Variants in MPPED1 observed in about 807,000 individuals in gnomAD.
MPPED1 encodes metallophosphoesterase domain containing 1, also known as metallophosphoesterase domain-containing protein 1.
In MPPED1, 16 loss-of-function variants were observed where a neutral mutation model predicts 36.2. That is an observed-to-expected ratio of 0.44 (90% CI 0.30 to 0.67). MPPED1 has a LOEUF of 0.67. Among genes scored for constraint, MPPED1 ranks in the 30% least tolerant of loss-of-function variants. MPPED1 has a pLI of 0.10. For missense variants in MPPED1, 307 were observed against 453.4 expected (o/e 0.68, Z 2.93); for synonymous variants, 199 against 191.3 (o/e 1.04, Z -0.33).
intron 4 of MPPED1, among the ~76,000 whole-genome samples, chr22:43,475,923 G>T (rs970213947): frequency 1.1e-4 from 16 of 151,238 alleles, no homozygotes; most frequent in African/African-American, 3.9e-4. Context: ...TGGTGAAGAT[G>T]GTGATGGTGG....
intron 1 of MPPED1, among the ~76,000 whole-genome samples, chr22:43,415,367 C>T (rs1293841583): frequency 1.3e-5 from 2 of 151,900 alleles, no homozygotes; most frequent in Admixed American, 6.6e-5. Context: ...TCCCTGGTGA[C>T]CTGACAGGTC....
chr22:43,423,431 C>T (rs11913995), intron 1 of MPPED1, among the ~76,000 whole-genome samples: 2,783 of 152,258 alleles, frequency 0.018, 78 homozygotes, highest in African/African-American at 0.064. Flanking sequence ...AAACAACCCA[C>T]AGGACAAAAC....
chr22:43,454,091 C>G (rs900579791), intron 3 of MPPED1, among the ~76,000 whole-genome samples: 1 of 151,650 alleles, frequency 6.6e-6, no homozygotes, highest in African/African-American at 2.4e-5. Flanking sequence ...TCACTGCAGC[C>G]TCTGCCTCCC....
intron 4 of MPPED1, among the ~76,000 whole-genome samples, chr22:43,480,153 C>T (rs567366082): frequency 6.6e-6 from 1 of 152,288 alleles, no homozygotes; most frequent in African/African-American, 2.4e-5. Context: ...TTTGTTGAGC[C>T]ACACACTCTG....
chr22:43,439,330 G>A (rs995894001), intron 3 of MPPED1, among the ~76,000 whole-genome samples: 2 of 152,230 alleles, frequency 1.3e-5, no homozygotes, highest in Non-Finnish European at 2.9e-5. Context: ...TAAATGTCGA[G>A]TAAGCAGCTA....
chr22:43,428,606 G>A (rs1053393019), intron 2 of MPPED1, among the ~76,000 whole-genome samples: 59 of 152,182 alleles, frequency 3.9e-4, no homozygotes, highest in African/African-American at 1.4e-3. Flanking sequence ...CGGGGTGAGG[G>A]AGCGATGGAG....
chr22:43,452,136 G>C (rs2006261), intron 3 of MPPED1, among the ~76,000 whole-genome samples: 77,262 of 151,430 alleles, frequency 0.51, 20,109 homozygotes, highest in Non-Finnish European at 0.53. Context: ...TCCTGCCTCA[G>C]CCTCCCTGGT....
chr22:43,495,567 A>AGAT (rs1932273922), intron 4 of MPPED1, among the ~76,000 whole-genome samples: 1 of 26,640 alleles, frequency 3.8e-5, no homozygotes, highest in Non-Finnish European at 7.3e-5. Flanking sequence ...GTGGTGGTGG[A>AGAT]GGTGATGGTG....
intron 3 of MPPED1, among the ~76,000 whole-genome samples, chr22:43,455,530 A>G (rs1330850191): frequency 1.3e-5 from 2 of 152,184 alleles, no homozygotes; most frequent in African/African-American, 2.4e-5. Context: ...CTGAGGTACT[A>G]GGGATTAAGA....
At position 43,466,091 on chromosome 22, in the gene MPPED1, A is replaced by C. The variant is rs972675292; in HGVS notation, c.407-8645A>C. Among the ~76,000 whole-genome samples the C allele has an allele frequency of 2.0e-5, 3 of 152,232 alleles. No homozygotes were observed. In the South Asian group the frequency reaches 6.2e-4, roughly 31 times the overall value. ...AAACAAGCAGTTGAAGATGATTAGG[A>C]CTGAATGTTCCTGTTTTTAAAACAT... On this transcript the variant is annotated intron_variant, in intron 3 of 6. Coordinates refer to ENST00000443721, the MANE Select transcript of MPPED1 (RefSeq NM_001044370.2).
At chr22:43,470,598 A>G (rs8137991) in intron 3 of MPPED1, among the ~76,000 whole-genome samples, 1 of 152,196 alleles carries the variant, frequency 6.6e-6, no homozygotes, top group African/African-American at 2.4e-5. Flanking sequence ...CCATGCATCC[A>G]TCCATCCACT....
At chr22:43,447,710 G>A (rs995916719) in intron 3 of MPPED1, among the ~76,000 whole-genome samples, 2 of 150,854 alleles carry the variant, frequency 1.3e-5, no homozygotes, top group Non-Finnish European at 2.9e-5. Context: ...GATTACATAG[G>A]TCTCGGGAGG....
At chr22:43,485,950 C>A (rs1931901489) in intron 4 of MPPED1, among the ~76,000 whole-genome samples, 2 of 152,258 alleles carry the variant, frequency 1.3e-5, no homozygotes, top group Admixed American at 1.3e-4. Flanking sequence ...AGCCATCGGG[C>A]CCCAAGGGCA....
chr22:43,421,994 A>C (rs2146815784), intron 1 of MPPED1, among the ~76,000 whole-genome samples: 1 of 152,280 alleles, frequency 6.6e-6, no homozygotes, highest in Middle Eastern at 3.4e-3. Context: ...AGGGTCACAG[A>C]GCTGCTGGGG....
intron 3 of MPPED1, among the ~76,000 whole-genome samples, chr22:43,469,432 A>G (rs987596484): frequency 4.1e-4 from 10 of 24,648 alleles, no homozygotes; most frequent in African/African-American, 1.2e-3. Flanking sequence ...CGAGCCTCTA[A>G]TGATTGGTCA....
chr22:43,500,448 A>ATGGAGGTGG (rs1932698221), intron 5 of MPPED1, among the ~76,000 whole-genome samples: 3 of 120,580 alleles, frequency 2.5e-5, no homozygotes, highest in South Asian at 5.0e-4. Flanking sequence ...GGAGGTGGTG[A>ATGGAGGTGG]CGGAGGTGGT....
At chr22:43,417,361 G>T (rs1473974003) in intron 1 of MPPED1, among the ~76,000 whole-genome samples, 3 of 151,386 alleles carry the variant, frequency 2.0e-5, no homozygotes, top group Non-Finnish European at 2.9e-5. Context: ...AAACACAAAG[G>T]TCTGTCATTT....
chr22:43,446,952 A>T (rs749269397), intron 3 of MPPED1, among the ~76,000 whole-genome samples: 35 of 152,316 alleles, frequency 2.3e-4, no homozygotes, highest in African/African-American at 8.4e-4. Flanking sequence ...GACAGGGGGA[A>T]GTGGTAGCCG....
At chr22:43,499,427 T>A (rs1026455725) in intron 5 of MPPED1, among the ~76,000 whole-genome samples, 1 of 121,800 alleles carries the variant, frequency 8.2e-6, no homozygotes, top group Non-Finnish European at 1.7e-5. Flanking sequence ...GTGGTGGTGA[T>A]GTGGGAGGTG....
Sources: allele counts gnomAD v4.1 joint callset (sites outside exome capture counted in the v4.1 genomes callset), GRCh38; gene constraint gnomAD v4.1.1; transcripts MANE v1.5; gene names NCBI Gene and HGNC (gene_info 2026-07-23, HGNC 2026-07-21).